The following SLC35E3 variants were observed in gnomAD, a reference collection of about 807,000 sequenced individuals.
The protein encoded by SLC35E3 is bladder cancer-overexpressed gene 1 protein.
In SLC35E3, 28 loss-of-function variants were observed where a neutral mutation model predicts 30.8. The observed-to-expected ratio is 0.91, with a 90% CI of 0.67 to 1.25. SLC35E3 has a LOEUF of 1.25. Ranked by LOEUF, SLC35E3 falls within the 50% of genes most tolerant of loss-of-function variation. SLC35E3 has a pLI of 0.00. For missense variants in SLC35E3, 365 were observed against 375.4 expected (o/e 0.97, Z 0.23); for synonymous variants, 146 against 149.2 (o/e 0.98, Z 0.16).
intron 2 of SLC35E3, among the ~76,000 whole-genome samples, chr12:68,750,054 G>A (rs1326310883): frequency 6.6e-6 from 1 of 152,186 alleles, no homozygotes; most frequent in African/African-American, 2.4e-5. Flanking sequence ...AGGCAGGAAG[G>A]GCCTGGGCTA....
In SLC35E3 at chr12:68,779,049, G is replaced by A. The variant is rs184637020; in HGVS notation, c.*14159G>A. 6.6e-6 allele frequency: 1 copy of A among 152,502 alleles called. No individual in the cohort carries two copies. Among genetic ancestry groups the A allele is most frequent in the African/African-American group, 2.4e-5 (1 of 41,570 alleles). The allele number at this position is 152,502 out of a possible 1,614,324, so 9.4% of individuals were successfully genotyped here. A position where few individuals can be genotyped will look rare whatever the true frequency, so the allele number is the denominator to read the frequency against. ...GAACCCAGGAGGTGGAGGTTGCAAT[G>A]AGCCACTGCACTCCAGACTGCATTC... is the stretch of plus-strand genomic sequence containing the variant. On this transcript the variant is annotated 3_prime_UTR_variant, in exon 5 of 5. Transcript: ENST00000398004.
Position 68,746,350 on chromosome 12 carries a change from G to A in SLC35E3, c.-28G>A. The A allele has an allele frequency of 6.5e-7, 1 of 1,539,862 alleles. No individual in the cohort carries two copies. Among genetic ancestry groups the A allele is most frequent in the Non-Finnish European group, 8.7e-7 (1 of 1,145,108 alleles). On this transcript the variant is annotated 5_prime_UTR_variant, in exon 1 of 5. Coordinates refer to ENST00000398004, the MANE Select transcript of SLC35E3 (RefSeq NM_018656.5). The stretch of plus-strand genomic sequence containing the variant: ...AGACAGGCCCGGCGCCCCTTCCGAG[G>A]CTAGACGGCCCCAGCTTCGCGGGGA...
At chr12:68,754,007 C>T (rs1434796642) in intron 3 of SLC35E3, among the ~76,000 whole-genome samples, 1 of 151,990 alleles carries the variant, frequency 6.6e-6, no homozygotes. Context: ...CCACCACGCC[C>T]AGCTAATTTT....
chr12:68,752,313 C>A, intron 3 of SLC35E3, 123 bp downstream of exon 3: 1 of 996,666 alleles, frequency 1.0e-6, no homozygotes, highest in Non-Finnish European at 1.5e-6. Context: ...TCATAATCAC[C>A]ATAAAAGGAG....
At chr12:68,759,092 G>C (rs1879145513) in intron 3 of SLC35E3, 65 bp from the exon 4 acceptor site, 1 of 1,121,920 alleles carries the variant, frequency 8.9e-7, no homozygotes, top group Admixed American at 2.0e-5. Context: ...CGAATGAAAT[G>C]TATCTTTGCT....
chr12:68,761,375 C>G (rs1879228279), intron 4 of SLC35E3, among the ~76,000 whole-genome samples: 1 of 152,168 alleles, frequency 6.6e-6, no homozygotes, highest in South Asian at 2.1e-4. Flanking sequence ...TAGTAAGACC[C>G]TGTCTCTACA....
In SLC35E3 at chr12:68,746,217, C is replaced by T. The variant is rs572517422; in HGVS notation, c.-161C>T. 3.2e-6 allele frequency: 2 copies of T among 634,342 alleles called. No homozygotes were observed. The highest frequency in any genetic ancestry group is 2.1e-5 in the South Asian group (1 of 46,586). 39.3% of individuals were successfully genotyped at this position (634,342 alleles called of 1,614,324 possible). ...AGGGCGGCGGCGGGGTGTGTGTCCT[C>T]TGTTAAGAGTGCTACTCGCCCGGGG... On this transcript the variant is annotated 5_prime_UTR_variant, in exon 1 of 5. Transcript: ENST00000398004.
chr12:68,758,899 G>A (rs539017054), intron 3 of SLC35E3, among the ~76,000 whole-genome samples: 3 of 151,722 alleles, frequency 2.0e-5, no homozygotes, highest in Admixed American at 1.3e-4. Context: ...CCGCCACTGC[G>A]CCCAGCAAAT....
rs1483421532 is a variant in SLC35E3 at position 68,768,296 on chromosome 12, A to G, written c.*3406A>G. The G allele has an allele frequency of 6.7e-6, 1 of 149,672 alleles. No homozygotes were observed. The highest frequency in any genetic ancestry group is 2.4e-5 in the African/African-American group (1 of 41,232). 9.3% of individuals were successfully genotyped at this position (149,672 alleles called of 1,614,324 possible). ...GAGAGTGAAACTCTGTCTCAAAAAA[A>G]GAAAAAAAAAAAGAAATTTTTAACC... On this transcript the variant is annotated 3_prime_UTR_variant, in exon 5 of 5. Transcript: ENST00000398004.
chr12:68,756,731 G>A (rs967357783), intron 3 of SLC35E3, among the ~76,000 whole-genome samples: 6 of 152,236 alleles, frequency 3.9e-5, no homozygotes, highest in African/African-American at 1.4e-4. Flanking sequence ...GCCAGGCGCA[G>A]TGGCTCACCC....
In SLC35E3 at chr12:68,766,342, C is replaced by T. The variant is rs892154776; in HGVS notation, c.*1452C>T. 3.9e-5 allele frequency: 6 copies of T among 152,076 alleles called. No individual in the cohort carries two copies. Among genetic ancestry groups the T allele is most frequent in the East Asian group, 1.9e-4 (1 of 5,130 alleles). The allele number at this position is 152,076 out of a possible 1,614,324, so 9.4% of individuals were successfully genotyped here. On this transcript the variant is annotated 3_prime_UTR_variant, in exon 5 of 5. Coordinates refer to ENST00000398004, the MANE Select transcript of SLC35E3 (RefSeq NM_018656.5). ...TCTCTACTAAAAATACAAAATTAGC[C>T]AGGCATGGTGGCACATGCCTGTAAT...
At position 68,767,037 on chromosome 12, in the gene SLC35E3, T is replaced by G. The variant is rs1879448917; in HGVS notation, c.*2147T>G. On this transcript the variant is annotated 3_prime_UTR_variant, in exon 5 of 5. Coordinates refer to ENST00000398004, the MANE Select transcript of SLC35E3 (RefSeq NM_018656.5). ...TTTCTAAGGTGGCTGGGGAAAATTC[T>G]TGTACAGCAAGTTGGGACAAAATAG... 6.0e-6 allele frequency: 1 copy of G among 167,816 alleles called. No individual in the cohort carries two copies. The highest frequency in any genetic ancestry group is 2.4e-5 in the African/African-American group (1 of 41,770). The allele number at this position is 167,816 out of a possible 1,614,324, so 10.4% of individuals were successfully genotyped here. A position where few individuals can be genotyped will look rare whatever the true frequency, so the allele number is the denominator to read the frequency against.
At position 68,773,447 on chromosome 12, in the gene SLC35E3, C is replaced by T. The variant is rs149110086; in HGVS notation, c.*8557C>T. On this transcript the variant is annotated 3_prime_UTR_variant, in exon 5 of 5. Coordinates refer to ENST00000398004, the MANE Select transcript of SLC35E3 (RefSeq NM_018656.5). ...TTGGAGATAGGTTCTCCCTCTGTCACCCAGGCTGGAGTGCAGTGGTGCAAT... is the reference window on the plus strand; with the variant it reads ...TTGGAGATAGGTTCTCCCTCTGTCATCCAGGCTGGAGTGCAGTGGTGCAAT... The T allele has an allele frequency of 7.6e-3, 1,165 of 152,386 alleles. 5 individuals carry two copies. The highest frequency in any genetic ancestry group is 0.037 in the Middle Eastern group (11 of 296). 9.4% of individuals were successfully genotyped at this position (152,386 alleles called of 1,614,324 possible).
intron 3 of SLC35E3, among the ~76,000 whole-genome samples, chr12:68,757,885 C>T (rs1310872301): frequency 4.0e-5 from 6 of 150,464 alleles, no homozygotes; most frequent in South Asian, 2.1e-4. Context: ...GTCAGGAGTT[C>T]GAGACCAGCC....
intron 3 of SLC35E3, among the ~76,000 whole-genome samples, chr12:68,757,314 G>A (rs1879058202): frequency 6.6e-6 from 1 of 152,184 alleles, no homozygotes; most frequent in Non-Finnish European, 1.5e-5. Flanking sequence ...CCCTAACAAA[G>A]TAGAGTAATT....
At position 68,779,716 on chromosome 12, in the gene SLC35E3, T is replaced by C. The variant is rs1447102583; in HGVS notation, c.*14826T>C. ...TGTTTTGGGAGGCCAAGGCAGGAGG[T>C]GCACTTGAGGCCAGGAGTTCAAGAC... On this transcript the variant is annotated 3_prime_UTR_variant, in exon 5 of 5. Transcript: ENST00000398004. 6.6e-6 allele frequency: 1 copy of C among 152,032 alleles called. No individual in the cohort carries two copies. The highest frequency in any genetic ancestry group is 1.5e-5 in the Non-Finnish European group (1 of 68,030). The allele number at this position is 152,032 out of a possible 1,614,324, so 9.4% of individuals were successfully genotyped here.
chr12:68,779,373 A>G lies in SLC35E3; in HGVS notation c.*14483A>G, dbSNP rs541615709. ...ATTTAAGCCATCTTTAAGAAACTTA[A>G]TGTTGAGAATGTTCTAGAATAGTGA... On this transcript the variant is annotated 3_prime_UTR_variant, in exon 5 of 5. Coordinates refer to ENST00000398004, the MANE Select transcript of SLC35E3 (RefSeq NM_018656.5). The G allele has an allele frequency of 4.3e-4, 66 of 152,320 alleles. 1 individual carries two copies. The highest frequency in any genetic ancestry group is 1.6e-3 in the African/African-American group (65 of 41,568). 9.4% of individuals were successfully genotyped at this position (152,320 alleles called of 1,614,324 possible).
chr12:68,754,912 T>C (rs1451762599), intron 3 of SLC35E3, among the ~76,000 whole-genome samples: 3 of 152,176 alleles, frequency 2.0e-5, no homozygotes, highest in Admixed American at 2.0e-4. Flanking sequence ...AATCCTCCTA[T>C]GTCTTAGTCA....
At chr12:68,753,832 A>ACACACACACACACC (rs1017957793) in intron 3 of SLC35E3, among the ~76,000 whole-genome samples, 1 of 150,750 alleles carries the variant, frequency 6.6e-6, no homozygotes, top group Non-Finnish European at 1.5e-5. Flanking sequence ...ACACACACAC[A>ACACACACACACACC]CACCCCAATT....
Sources: gnomAD v4.1 joint callset for allele counts (sites outside exome capture counted in the v4.1 genomes callset) on GRCh38, gnomAD v4.1.1 for gene constraint, MANE v1.5 for transcripts, NCBI Gene and HGNC (gene_info 2026-07-23, HGNC 2026-07-21) for gene names.